CCSER1: variants seen among roughly 807,000 people sequenced by gnomAD.
The protein encoded by CCSER1 is serine-rich coiled-coil domain-containing protein 1.
In CCSER1, 41 loss-of-function variants were observed where a neutral mutation model predicts 82.0. The ratio of observed to expected loss-of-function variants is 0.50; its 90% CI spans 0.39 to 0.65. CCSER1 has a LOEUF of 0.65. Among genes scored for constraint, CCSER1 ranks in the 30% least tolerant of loss-of-function variants. The pLI is 0.00. For missense variants in CCSER1, 1,119 were observed against 1,064.2 expected (o/e 1.05, Z -0.72); for synonymous variants, 414 against 383.9 (o/e 1.08, Z -0.92).
chr4:91,548,483 C>T (rs904867865), intron 10 of CCSER1, among the ~76,000 whole-genome samples: 8 of 151,726 alleles, frequency 5.3e-5, no homozygotes, highest in South Asian at 2.1e-4. Context: ...AGTTTCTAGT[C>T]TGTATTGTTT....
intron 6 of CCSER1, among the ~76,000 whole-genome samples, chr4:90,717,632 G>A (rs1217641465): frequency 6.6e-6 from 1 of 152,090 alleles, no homozygotes; most frequent in Non-Finnish European, 1.5e-5. Context: ...GATTGGAGGA[G>A]TCCAGGCCTC....
chr4:91,478,159 A>C (rs191156917), intron 10 of CCSER1, among the ~76,000 whole-genome samples: 5 of 152,022 alleles, frequency 3.3e-5, no homozygotes, highest in African/African-American at 1.2e-4. Flanking sequence ...ACTGATCCCA[A>C]GCTTTTCTAA....
At chr4:90,397,663 A>T (rs569194340) in intron 3 of CCSER1, among the ~76,000 whole-genome samples, 1 of 152,054 alleles carries the variant, frequency 6.6e-6, no homozygotes, top group Non-Finnish European at 1.5e-5. Flanking sequence ...CATTTCTGGG[A>T]TGGGGCTTTG....
intron 7 of CCSER1, among the ~76,000 whole-genome samples, chr4:90,772,290 CATAA>C (rs1752290104): frequency 6.6e-6 from 1 of 151,972 alleles, no homozygotes; most frequent in Non-Finnish European, 1.5e-5. Flanking sequence ...ACAATCATGT[CATAA>C]ATGTCTGAGA....
rs56777553 is a variant in CCSER1, at chr4:90,838,082, C to A, written c.2094+22237C>A. On this transcript the variant is annotated intron_variant, in intron 8 of 10. Coordinates refer to ENST00000509176, the MANE Select transcript of CCSER1 (RefSeq NM_001145065.2). ...AATTCAGTATAAAAAAGAAAAAAAA[C>A]CCAATCTTTTTAGTCTATCAAAATT... is the stretch of plus-strand genomic sequence containing the variant. Among the ~76,000 whole-genome samples, 1,119 of 151,762 alleles carry A rather than the reference C, an allele frequency of 7.4e-3. 8 individuals are homozygous for A. The highest frequency in any genetic ancestry group is 0.025 in the African/African-American group (1,026 of 41,406).
intron 10 of CCSER1, among the ~76,000 whole-genome samples, chr4:91,165,601 A>C (rs376970782): frequency 6.6e-6 from 1 of 152,138 alleles, no homozygotes; most frequent in Non-Finnish European, 1.5e-5. Context: ...TGAGCTTCCC[A>C]GGCTGCTTTG....
intron 7 of CCSER1, among the ~76,000 whole-genome samples, chr4:90,800,397 A>G (rs11097266): frequency 0.34 from 51,524 of 151,562 alleles, 8,900 homozygotes; most frequent in East Asian, 0.42. Context: ...CTCTGTGACT[A>G]GCTTTTTATT....
rs143797454 is a variant in CCSER1, at chr4:91,000,864, A to C, written c.2172+77417A>C. Among the ~76,000 whole-genome samples, 4 of 152,244 alleles carry C rather than the reference A, an allele frequency of 2.6e-5. No homozygotes were observed. The South Asian group carries it at 8.3e-4, about 32-fold the overall frequency. On this transcript the variant is annotated intron_variant, in intron 9 of 10. Coordinates refer to ENST00000509176, the MANE Select transcript of CCSER1 (RefSeq NM_001145065.2). ...AGTTTTCTAGGTATAGAGTCATATCATCCACAAAGATAAGTTGAATTCTTC... is the reference window on the plus strand; with the variant it reads ...AGTTTTCTAGGTATAGAGTCATATCCTCCACAAAGATAAGTTGAATTCTTC...
At chr4:90,406,894 A>G (rs1560466590) in intron 4 of CCSER1, among the ~76,000 whole-genome samples, 1 of 152,192 alleles carries the variant, frequency 6.6e-6, no homozygotes, top group Non-Finnish European at 1.5e-5. Flanking sequence ...AAATGCCTAC[A>G]TCAAAAATTC....
chr4:91,012,564 G>A (rs370591668), intron 9 of CCSER1, among the ~76,000 whole-genome samples: 1 of 151,910 alleles, frequency 6.6e-6, no homozygotes, highest in African/African-American at 2.4e-5. Flanking sequence ...CATGGATAGG[G>A]TGTAGTAGGA....
chr4:90,452,558 C>T (rs1761597782), intron 4 of CCSER1, among the ~76,000 whole-genome samples: 1 of 152,326 alleles, frequency 6.6e-6, no homozygotes, highest in East Asian at 1.9e-4. Flanking sequence ...TCCTTAGGTA[C>T]CCTATGGGGT....
At chr4:91,373,222 G>A (rs954489486) in intron 10 of CCSER1, among the ~76,000 whole-genome samples, 2 of 151,942 alleles carry the variant, frequency 1.3e-5, no homozygotes, top group African/African-American at 2.4e-5. Flanking sequence ...CTCAGTTACA[G>A]ATGATACAGG....
intron 10 of CCSER1, among the ~76,000 whole-genome samples, chr4:91,167,823 A>C (rs2148994117): frequency 6.6e-6 from 1 of 152,370 alleles, no homozygotes; most frequent in Middle Eastern, 3.4e-3. Flanking sequence ...AACATAATAT[A>C]ACCTAACAAA....
At chr4:90,328,811 G>A (rs1006795244) in intron 3 of CCSER1, among the ~76,000 whole-genome samples, 1 of 152,168 alleles carries the variant, frequency 6.6e-6, no homozygotes, top group Admixed American at 6.5e-5. Context: ...GGTCCAAGAG[G>A]AGCTTGTGGT....
chr4:90,746,411 G>A (rs1114878), intron 7 of CCSER1, among the ~76,000 whole-genome samples: 49,299 of 151,978 alleles, frequency 0.32, 9,087 homozygotes, highest in African/African-American at 0.51. Context: ...AATAAAATTA[G>A]CCATTGGGAA....
intron 5 of CCSER1, among the ~76,000 whole-genome samples, chr4:90,590,012 G>A (rs939353821): frequency 1.3e-5 from 2 of 152,150 alleles, no homozygotes; most frequent in East Asian, 3.9e-4. Context: ...AATGGCTCAT[G>A]CCTGTAATCC....
At chr4:90,631,852 A>C (rs575935785) in intron 6 of CCSER1, among the ~76,000 whole-genome samples, 1 of 152,296 alleles carries the variant, frequency 6.6e-6, no homozygotes, top group African/African-American at 2.4e-5. Context: ...AATTATTAAA[A>C]ATATTGTATA....
intron 8 of CCSER1, among the ~76,000 whole-genome samples, chr4:90,823,375 C>T (rs1285490818): frequency 2.0e-5 from 3 of 152,016 alleles, no homozygotes; most frequent in African/African-American, 2.4e-5. Flanking sequence ...AAACACTCAA[C>T]GATTCCACCA....
At chr4:90,282,968 A>C (rs1488328214) in intron 1 of CCSER1, among the ~76,000 whole-genome samples, 1 of 152,040 alleles carries the variant, frequency 6.6e-6, no homozygotes, top group Non-Finnish European at 1.5e-5. Context: ...ATTTGGTATA[A>C]GGAAACAAAA....
Sources: allele counts gnomAD v4.1 joint callset (sites outside exome capture counted in the v4.1 genomes callset), GRCh38; gene constraint gnomAD v4.1.1; transcripts MANE v1.5; gene names NCBI Gene and HGNC (gene_info 2026-07-23, HGNC 2026-07-21).